OXR1: variants seen among roughly 807,000 people sequenced by gnomAD.
OXR1 encodes the protein oxidation resistance protein 1.
A neutral mutation model predicts 104.6 loss-of-function variants in OXR1; 41 were observed. The ratio of observed to expected loss-of-function variants is 0.39; its 90% CI spans 0.31 to 0.51. The LOEUF (loss-of-function observed/expected upper bound fraction) is 0.51. OXR1 is among the 20% of genes least tolerant of loss of function. The pLI, the probability that OXR1 is intolerant of heterozygous loss-of-function variation, is 0.77. For synonymous variants in OXR1, 348 were observed against 348.4 expected, an observed-to-expected ratio of 1.00 and a Z score of 0.01; for missense variants, 955 against 1,031.9, an observed-to-expected ratio of 0.93 and a Z score of 1.02.
At chr8:106,321,289 A>G (rs185806567) in intron 1 of OXR1, among the ~76,000 whole-genome samples, 44 of 152,358 alleles carry the variant, frequency 2.9e-4, no homozygotes, top group Non-Finnish European at 5.3e-4. Context: ...ACTATGTTTC[A>G]AAGAAAAAAT....
At chr8:106,579,877 T>C (rs1429704304) in intron 3 of OXR1, among the ~76,000 whole-genome samples, 2 of 151,928 alleles carry the variant, frequency 1.3e-5, no homozygotes, top group Non-Finnish European at 2.9e-5. Context: ...ACTGGTCTCA[T>C]GGCAGCAGAG....
chr8:106,355,089 A>G (rs1815908140), intron 1 of OXR1, among the ~76,000 whole-genome samples: 1 of 152,116 alleles, frequency 6.6e-6, no homozygotes, highest in Non-Finnish European at 1.5e-5. Flanking sequence ...CCTAAAGAGA[A>G]CAATTGTGTC....
chr8:106,419,132 G>C (rs1048070017), intron 2 of OXR1, among the ~76,000 whole-genome samples: 3 of 152,082 alleles, frequency 2.0e-5, no homozygotes, highest in African/African-American at 7.2e-5. Context: ...AATGTTTTGG[G>C]AAATAGAAGC....
chr8:106,739,668 G>A (rs1834748604), intron 13 of OXR1, 85 bp downstream of exon 13: 1 of 1,312,464 alleles, frequency 7.6e-7, no homozygotes, highest in Non-Finnish European at 1.1e-6. Context: ...TGTTTCTGAA[G>A]CAACAGCGTT....
chr8:106,725,022 G>C (rs1833187633), intron 11 of OXR1, among the ~76,000 whole-genome samples: 1 of 152,204 alleles, frequency 6.6e-6, no homozygotes, highest in Admixed American at 6.5e-5. Flanking sequence ...AGGAGAGTCT[G>C]TGATGGAGGG....
At chr8:106,452,294 GAACTT>G (rs2130619918) in intron 2 of OXR1, among the ~76,000 whole-genome samples, 1 of 152,186 alleles carries the variant, frequency 6.6e-6, no homozygotes, top group East Asian at 1.9e-4. Flanking sequence ...ATGTAAGTCT[GAACTT>G]AAAGACAGCA....
chr8:106,291,778 G>A (rs1378672171), intron 1 of OXR1, among the ~76,000 whole-genome samples: 1 of 152,116 alleles, frequency 6.6e-6, no homozygotes, highest in Non-Finnish European at 1.5e-5. Context: ...CACAATCATG[G>A]CAGAAGGCAA....
intron 1 of OXR1, among the ~76,000 whole-genome samples, chr8:106,291,490 TAAAC>T (rs892460452): frequency 6.6e-6 from 1 of 152,162 alleles, no homozygotes; most frequent in Non-Finnish European, 1.5e-5. Flanking sequence ...GAAGTAAATA[TAAAC>T]AAACAAAACA....
chr8:106,702,261 G>T (rs1269965700), intron 7 of OXR1, among the ~76,000 whole-genome samples: 1 of 152,048 alleles, frequency 6.6e-6, no homozygotes, highest in South Asian at 2.1e-4. Context: ...TGCCTGCCCT[G>T]TATCACTATT....
At chr8:106,516,347 A>G (rs1014114471) in intron 2 of OXR1, among the ~76,000 whole-genome samples, 15 of 152,104 alleles carry the variant, frequency 9.9e-5, no homozygotes, top group African/African-American at 3.1e-4. Flanking sequence ...AATTTGTTAT[A>G]TATTGGCTTG....
chr8:106,518,796 T>TAA, intron 2 of OXR1, 147 bp from the exon 3 acceptor site: 2 of 482,290 alleles, frequency 4.1e-6, no homozygotes, highest in Non-Finnish European at 7.3e-6. Flanking sequence ...TTTCTTAAAA[T>TAA]ACTGTAGGGA....
At chr8:106,549,349 C>T (rs761192411) in intron 3 of OXR1, among the ~76,000 whole-genome samples, 1 of 151,714 alleles carries the variant, frequency 6.6e-6, no homozygotes, top group African/African-American at 2.4e-5. Flanking sequence ...CAGCACTTTA[C>T]TTGAGACTAG....
At chr8:106,570,616 C>G (rs1473952378) in intron 3 of OXR1, among the ~76,000 whole-genome samples, 1 of 152,150 alleles carries the variant, frequency 6.6e-6, no homozygotes, top group Non-Finnish European at 1.5e-5. Context: ...AAGAAGAACC[C>G]TTTTCCATCC....
intron 3 of OXR1, among the ~76,000 whole-genome samples, chr8:106,555,494 C>A (rs1816195250): frequency 6.6e-6 from 1 of 152,010 alleles, no homozygotes; most frequent in Admixed American, 6.6e-5. Flanking sequence ...AAGTTTAAGG[C>A]CCTACTAAGA....
chr8:106,702,885 T>C, intron 7 of OXR1, 21 bp from the exon 8 acceptor site: 3 of 1,582,594 alleles, frequency 1.9e-6, no homozygotes, highest in Non-Finnish European at 2.6e-6. Context: ...GATTAAATGT[T>C]ACTTTCTTTT....
intron 2 of OXR1, among the ~76,000 whole-genome samples, chr8:106,498,365 G>A (rs575848912): frequency 2.0e-5 from 3 of 152,134 alleles, no homozygotes; most frequent in Admixed American, 1.3e-4. Flanking sequence ...TCAATCAAGC[G>A]TGTGACTCAG....
rs563240289 is a variant in OXR1 at position 106,472,438 on chromosome 8, C to G, written c.24-46505C>G. ...ATACTGTTACGTGCTTCAGGAAATA[C>G]AAGGAAATATATGACATAATCCTTT... On this transcript the variant is annotated intron_variant, in intron 2 of 16. Transcript: ENST00000517566. Among the ~76,000 whole-genome samples, 3 of 151,732 alleles carry G rather than the reference C, an allele frequency of 2.0e-5. No individual in the cohort carries two copies. In the East Asian group the frequency reaches 5.8e-4, roughly 30 times the overall value.
chr8:106,698,433 A>G (rs1010913136), intron 7 of OXR1, among the ~76,000 whole-genome samples: 3 of 152,066 alleles, frequency 2.0e-5, no homozygotes, highest in Non-Finnish European at 2.9e-5. Context: ...TTTATAGTTC[A>G]TGCCAAATTT....
intron 2 of OXR1, among the ~76,000 whole-genome samples, chr8:106,470,706 C>T (rs1021974597): frequency 2.0e-5 from 3 of 151,522 alleles, no homozygotes; most frequent in East Asian, 2.0e-4. Context: ...CCAAAGATTG[C>T]TCTGGGGCAT....
Sources: allele counts gnomAD v4.1 joint callset (sites outside exome capture counted in the v4.1 genomes callset), GRCh38; gene constraint gnomAD v4.1.1; transcripts MANE v1.5; gene names NCBI Gene and HGNC (gene_info 2026-07-23, HGNC 2026-07-21).